PAOX: variants seen among roughly 807,000 people sequenced by gnomAD.
PAOX encodes the protein polyamine oxidase.
A neutral mutation model predicts 39.0 loss-of-function variants in PAOX; 38 were observed. The observed-to-expected ratio is 0.97, with a 90% CI of 0.75 to 1.28. The LOEUF (loss-of-function observed/expected upper bound fraction) is 1.28, where lower values mean the gene tolerates loss of function less well. Ranked by LOEUF, PAOX falls within the 50% of genes most tolerant of loss-of-function variation. The pLI, the probability that PAOX is intolerant of heterozygous loss-of-function variation, is 0.00. For missense variants in PAOX, 667 were observed against 685.7 expected (o/e 0.97, Z 0.30); for synonymous variants, 311 against 314.4 (o/e 0.99, Z 0.11).
chr10:133,386,778 G>A (rs897302868), intron 4 of PAOX, among the ~76,000 whole-genome samples: 4 of 152,136 alleles, frequency 2.6e-5, no homozygotes, highest in African/African-American at 9.7e-5. Flanking sequence ...CCGGCCAAAG[G>A]AGTGATATTT....
At chr10:133,389,548 G>T (rs1849613826) in intron 5 of PAOX, 42 bp from the exon 6 acceptor site, 1 of 1,612,824 alleles carries the variant, frequency 6.2e-7, no homozygotes, top group African/African-American at 1.3e-5. Context: ...CAGACCTGTG[G>T]GTGAGAGTTC....
intron 6 of PAOX, among the ~76,000 whole-genome samples, chr10:133,390,410 C>CCACACACACACACACACACACACACA (rs59249557): frequency 6.9e-5 from 10 of 145,330 alleles, no homozygotes; most frequent in African/African-American, 2.5e-4. Flanking sequence ...GAGTCGGTCT[C>CCACACACACACACACACACACACACA]CACACACACA....
chr10:133,382,991 G>C (rs1023260455), intron 3 of PAOX: 1 of 152,118 alleles, frequency 6.6e-6, no homozygotes, highest in Admixed American at 6.6e-5. Context: ...ATTGTCAGTA[G>C]ATACATTGCT....
rs199579151 is a variant in PAOX, at chr10:133,391,483, G to A, written c.*28G>A. On this transcript the variant is annotated 3_prime_UTR_variant, in exon 7 of 7. Transcript: ENST00000278060. ...GGGCCCAGCCTACTCTGTTCCACCC[G>A]TGTCGGGGGTAGGCTGGGACCCTCA... 42 of 1,582,260 alleles carry A rather than the reference G, an allele frequency of 2.7e-5. No individual in the cohort carries two copies. The highest frequency in any genetic ancestry group is 1.1e-4 in the Admixed American group (6 of 54,186).
At chr10:133,387,783 C>T (rs1218122083) in intron 4 of PAOX, among the ~76,000 whole-genome samples, 4 of 152,210 alleles carry the variant, frequency 2.6e-5, no homozygotes, top group Non-Finnish European at 5.9e-5. Context: ...AGCAGTGGCG[C>T]GATCTTGGCT....
chr10:133,380,153 C>G lies in PAOX; in HGVS notation c.336C>G (p.Ser112=), dbSNP rs775219249. 1.6e-5 allele frequency: 26 copies of G among 1,603,730 alleles called. No individual in the cohort carries two copies. Among genetic ancestry groups the G allele is most frequent in the Middle Eastern group, 3.3e-4 (2 of 6,030 alleles). Residue 112 remains serine, a synonymous_variant, in exon 2 of 7, where the codon TCC becomes TCG. Coordinates refer to ENST00000278060, the MANE Select transcript of PAOX (RefSeq NM_152911.4). The stretch of plus-strand genomic sequence containing the variant: ...CCGGGGGTCACGTGGGCCTGCCCTC[C>G]GTGAGCTACGCCAGCTCCGGGGCCA... ...VETGGHVGLP[S]VSYASSGASV...
chr10:133,380,091 G>A lies in PAOX; in HGVS notation c.274G>A (p.Glu92Lys). 1 of 1,552,792 alleles carries A rather than the reference G, an allele frequency of 6.4e-7. No individual in the cohort carries two copies. The highest frequency in any genetic ancestry group is 8.7e-7 in the Non-Finnish European group (1 of 1,150,234). The change falls in exon 2 of 7, where the codon GAG becomes AAG. Residue 92 changes from glutamate (E) to lysine (K), a missense_variant. By Grantham distance (56) the Glu-to-Lys change is moderately conservative. Coordinates refer to ENST00000278060, the MANE Select transcript of PAOX (RefSeq NM_152911.4). ...GGCTGCTGAGTACGGGCTGCTGGGG[G>A]AGAAGGAGCTGTCCCAGGAGAACCA... ...QLAAEYGLLG[E>K]KELSQENQLV...
chr10:133,379,735 C>T, intron 1 of PAOX: 1 of 538,078 alleles, frequency 1.9e-6, no homozygotes, highest in Non-Finnish European at 2.9e-6. Flanking sequence ...CCTGATTCTG[C>T]CCCACGGGGG....
At chr10:133,381,213 C>G (rs1849362789) in intron 2 of PAOX, among the ~76,000 whole-genome samples, 1 of 152,238 alleles carries the variant, frequency 6.6e-6, no homozygotes, top group South Asian at 2.1e-4. Flanking sequence ...GGAGGAAGCC[C>G]TGGTTCCGGC....
At chr10:133,389,263 C>G (rs1849605552) in intron 5 of PAOX, among the ~76,000 whole-genome samples, 195 bp downstream of exon 5, 1 of 152,238 alleles carries the variant, frequency 6.6e-6, no homozygotes, top group Non-Finnish European at 1.5e-5. Context: ...TTTGCAAACA[C>G]TTCCTACTTC....
chr10:133,391,419 G>A lies in PAOX; in HGVS notation c.1500G>A (p.Trp500Ter), dbSNP rs754628269. ...AGGCCGACCGCCTCCTCAGTCTGTG[G>A]GCCCCGCAGGTGCAGCAGCCCAGGC... Reference protein sequence around the residue: ...WREADRLLSLWAPQVQQPRPR... With the variant: ...WREADRLLSL The change falls in exon 7 of 7, where the codon TGG (tryptophan) becomes TGA (stop). Residue 500 changes from tryptophan (W) to a stop codon, truncating the protein, a stop_gained. Coordinates refer to ENST00000278060, the MANE Select transcript of PAOX (RefSeq NM_152911.4). LOFTEE classifies it low-confidence loss of function (END_TRUNC). 1 of 1,612,818 alleles carries A rather than the reference G, an allele frequency of 6.2e-7. No individual in the cohort carries two copies. Among genetic ancestry groups the A allele is most frequent in the Non-Finnish European group, 8.5e-7 (1 of 1,179,938 alleles).
rs1849338258 is a variant in PAOX at position 133,380,546 on chromosome 10, T to C, written c.668+61T>C. 2.0e-6 allele frequency: 3 copies of C among 1,512,696 alleles called. No homozygotes were observed. The South Asian group carries it at 3.8e-5, about 19-fold the overall frequency. 93.7% of individuals were successfully genotyped at this position (1,512,696 alleles called of 1,614,324 possible). A position where few individuals can be genotyped will look rare whatever the true frequency, so the allele number is the denominator to read the frequency against. ...ACCAGGCTCCCCAGGGCACCGGGGC[T>C]GGCTGAGCTCCGCTCTTGCTTGGGT... On this transcript the variant is annotated intron_variant, in intron 2 of 6. Coordinates refer to ENST00000278060, the MANE Select transcript of PAOX (RefSeq NM_152911.4).
intron 6 of PAOX, among the ~76,000 whole-genome samples, chr10:133,390,178 C>T (rs570542628): frequency 2.0e-5 from 3 of 150,714 alleles, no homozygotes; most frequent in Middle Eastern, 3.4e-3. Flanking sequence ...AGCTTCTCCC[C>T]GCCCACCCCC....
Position 133,380,300 on chromosome 10 carries a change from G to C in PAOX, c.483G>C (p.Lys161Asn), listed in dbSNP as rs781150626. ...PVPSVGEYLK[K>N]EIGQHVAGWT... ...CCAGCGTCGGGGAGTACCTCAAGAA[G>C]GAGATTGGCCAGCACGTGGCCGGCT... Residue 161 changes from lysine (K) to asparagine (N), a missense_variant, in exon 2 of 7, where the codon AAG becomes AAC. Lys to Asn is a moderately conservative substitution (Grantham distance 94). Coordinates refer to ENST00000278060, the MANE Select transcript of PAOX (RefSeq NM_152911.4). 9.3e-6 allele frequency: 15 copies of C among 1,612,862 alleles called. No homozygotes were observed. In the South Asian group the frequency reaches 1.4e-4, roughly 15 times the overall value.
At position 133,381,739 on chromosome 10, in the gene PAOX, C is replaced by A. The variant is rs1465500838; in HGVS notation, c.868+80C>A. On this transcript the variant is annotated intron_variant, in intron 3 of 6. Transcript: ENST00000278060. ...TACCCTGCCTCAGTTGGCTCTGGGGCGTTTGCTTGTGTACGAAGCTCACAT... is the reference window on the plus strand; with the variant it reads ...TACCCTGCCTCAGTTGGCTCTGGGGAGTTTGCTTGTGTACGAAGCTCACAT... 17 of 1,446,426 alleles carry A rather than the reference C, an allele frequency of 1.2e-5. No homozygotes were observed. In the Admixed American group the frequency reaches 2.7e-4, roughly 23 times the overall value. 89.6% of individuals were successfully genotyped at this position (1,446,426 alleles called of 1,614,324 possible).
At chr10:133,387,240 C>G (rs1318532359) in intron 4 of PAOX, among the ~76,000 whole-genome samples, 3 of 151,984 alleles carry the variant, frequency 2.0e-5, no homozygotes, top group African/African-American at 2.4e-5. Flanking sequence ...GATCAAGCCA[C>G]TGAACTCCAG....
chr10:133,391,315 C>T lies in PAOX; in HGVS notation c.1396C>T (p.Gln466Ter), dbSNP rs1435175832. The change falls in exon 7 of 7, where the codon CAG (glutamine) becomes TAG (stop). Residue 466 changes from glutamine (Q) to a stop codon, truncating the protein, a stop_gained. Transcript: ENST00000278060. LOFTEE classifies it low-confidence loss of function (END_TRUNC). ...TAACCCTGGCTCTTCTTTGCAGCTC[C>T]AGATCCTGTTTGCGGGGGAAGCCAC... ...LPADGAGAQL[Q>*]ILFAGEATHR... is the part of the protein sequence containing the mutation. The T allele has an allele frequency of 6.2e-7, 1 of 1,613,542 alleles. No individual in the cohort carries two copies. The highest frequency in any genetic ancestry group is 8.5e-7 in the Non-Finnish European group (1 of 1,180,024).
rs149574308 is a variant in PAOX at position 133,391,350 on chromosome 10, G to A, written c.1431G>A (p.Thr477=). 2.0e-4 allele frequency: 325 copies of A among 1,613,532 alleles called. 1 individual carries two copies. The highest frequency in any genetic ancestry group is 2.5e-4 in the Non-Finnish European group (300 of 1,180,014). ...ILFAGEATHR[T]FYSTTHGALL... Reference sequence around the variant, plus strand: ...TTGCGGGGGAAGCCACACATCGCACGTTTTACTCCACGACGCACGGGGCTC... The same window carrying A: ...TTGCGGGGGAAGCCACACATCGCACATTTTACTCCACGACGCACGGGGCTC... Residue 477 remains threonine, a synonymous_variant, in exon 7 of 7, where the codon ACG becomes ACA. Transcript: ENST00000278060.
chr10:133,383,925 A>T (rs112089491), intron 3 of PAOX, 35 bp from the exon 4 acceptor site: 71 of 1,591,724 alleles, frequency 4.5e-5, no homozygotes, highest in African/African-American at 6.7e-5. Flanking sequence ...GGAGGGCTTT[A>T]TGTGATGTAA....
Sources: gnomAD v4.1 joint callset for allele counts (sites outside exome capture counted in the v4.1 genomes callset) on GRCh38, gnomAD v4.1.1 for gene constraint, MANE v1.5 for transcripts, NCBI Gene and HGNC (gene_info 2026-07-23, HGNC 2026-07-21) for gene names.